Variants in TBC1D19 observed in about 807,000 individuals in gnomAD.
TBC1D19 encodes the protein TBC1 domain family member 19, also known as TBC1 domain family, member 19.
TBC1D19 carries 60 observed loss-of-function variants against 89.0 expected under a neutral mutation model. The ratio of observed to expected loss-of-function variants is 0.67; its 90% CI spans 0.55 to 0.84. The LOEUF is 0.84. Ranked by LOEUF, TBC1D19 falls within the 40% of genes least tolerant of loss-of-function variation. The pLI, the probability that TBC1D19 is intolerant of heterozygous loss-of-function variation, is 0.00. For missense variants in TBC1D19, 500 were observed against 610.8 expected (o/e 0.82, Z 1.91); for synonymous variants, 189 against 199.7 (o/e 0.95, Z 0.45).
At chr4:26,844,737 T>C in the TBC1D19 span, among the ~76,000 whole-genome samples, 1 of 152,250 alleles carries the variant, frequency 6.6e-6, no homozygotes, top group African/African-American at 2.4e-5. Flanking sequence ...TTTCCTTTGC[T>C]GTCAGCTAAC....
Position 26,613,362 on chromosome 4 carries a change from T to C in TBC1D19, c.172+121T>C, listed in dbSNP as rs555717175. 7 of 610,506 alleles carry C rather than the reference T, an allele frequency of 1.1e-5. No individual in the cohort carries two copies. The South Asian group carries it at 1.5e-4, about 13-fold the overall frequency. 37.8% of individuals were successfully genotyped at this position (610,506 alleles called of 1,614,324 possible). On this transcript the variant is annotated intron_variant, in intron 2 of 20. Coordinates refer to ENST00000264866, the MANE Select transcript of TBC1D19 (RefSeq NM_018317.4). ...TTTGTTGTCGTTCTGTTTTGTTTTG[T>C]TTTAGGCTTTTAGCAGCCTGAAGCC...
chr4:26,790,340 C>T, the TBC1D19 span, among the ~76,000 whole-genome samples: 3 of 152,266 alleles, frequency 2.0e-5, no homozygotes, highest in Non-Finnish European at 4.4e-5. Context: ...TTCCAAACAC[C>T]TCCACTGAAC....
chr4:26,636,488 T>TAAAAAAAAAAAAAAAAAAA (rs71643685), intron 4 of TBC1D19, among the ~76,000 whole-genome samples: 1 of 131,026 alleles, frequency 7.6e-6, no homozygotes, highest in Non-Finnish European at 1.6e-5. Flanking sequence ...GTCAGTATCA[T>TAAAAAAAAAAAAAAAAAAA]AAAAAAAAAA....
chr4:26,839,571 C>CA, the TBC1D19 span, among the ~76,000 whole-genome samples: 1 of 115,814 alleles, frequency 8.6e-6, no homozygotes, highest in Non-Finnish European at 2.0e-5. Context: ...CCTTTTCCAT[C>CA]ACCCCCCCGC....
chr4:26,788,670 C>T, the TBC1D19 span, among the ~76,000 whole-genome samples: 1 of 152,158 alleles, frequency 6.6e-6, no homozygotes, highest in Non-Finnish European at 1.5e-5. Context: ...GAACATAGCC[C>T]CCTAGACAGA....
At chr4:26,621,743 C>A (rs1742062370) in intron 4 of TBC1D19, among the ~76,000 whole-genome samples, 1 of 151,800 alleles carries the variant, frequency 6.6e-6, no homozygotes, top group Admixed American at 6.6e-5. Context: ...GGCTGGAAAT[C>A]AGTTAATGTT....
chr4:26,659,547 TA>T, intron 7 of TBC1D19, 49 bp from the exon 8 acceptor site: 2 of 1,265,430 alleles, frequency 1.6e-6, no homozygotes, highest in Non-Finnish European at 1.1e-6. Context: ...TTTATAAGTG[TA>T]AACATCCTGG....
At chr4:26,760,007 C>T (rs965242811), downstream of TBC1D19, among the ~76,000 whole-genome samples, 11 of 152,072 alleles carry the variant, frequency 7.2e-5, no homozygotes, top group Admixed American at 2.0e-4. Context: ...TGTGTAAGCA[C>T]GTGTTTAACT....
At chr4:26,660,401 A>G (rs903093297) in intron 8 of TBC1D19, among the ~76,000 whole-genome samples, 2 of 152,242 alleles carry the variant, frequency 1.3e-5, no homozygotes, top group Admixed American at 1.3e-4. Context: ...AAATGTCTCT[A>G]GAAGATAGAA....
At chr4:26,742,073 G>A (rs1560508139) in intron 17 of TBC1D19, among the ~76,000 whole-genome samples, 26 of 152,164 alleles carry the variant, frequency 1.7e-4, no homozygotes. Context: ...TGGAGGGGAA[G>A]GGACATATGG....
chr4:26,669,550 T>G (rs537193229), intron 9 of TBC1D19, among the ~76,000 whole-genome samples: 1 of 151,902 alleles, frequency 6.6e-6, no homozygotes, highest in South Asian at 2.1e-4. Context: ...GGCTTCTTAT[T>G]CTTAGGACAG....
At chr4:26,654,034 G>A (rs1025325809) in intron 7 of TBC1D19, among the ~76,000 whole-genome samples, 1 of 152,106 alleles carries the variant, frequency 6.6e-6, no homozygotes, top group African/African-American at 2.4e-5. Flanking sequence ...TCCATGTTTA[G>A]TGCTTCCTTC....
chr4:26,643,028 G>C (rs1385059631), intron 7 of TBC1D19, among the ~76,000 whole-genome samples: 1 of 152,094 alleles, frequency 6.6e-6, no homozygotes, highest in Non-Finnish European at 1.5e-5. Flanking sequence ...TGAGACAGAA[G>C]GTTAACAAGG....
At chr4:26,806,794 A>G in the TBC1D19 span, among the ~76,000 whole-genome samples, 1 of 152,238 alleles carries the variant, frequency 6.6e-6, no homozygotes, top group African/African-American at 2.4e-5. Flanking sequence ...AGACTGAGAC[A>G]CAGAGGGAAG....
rs188915574 is a variant in TBC1D19 at position 26,655,893 on chromosome 4, C to T, written c.481-3704C>T. Among the ~76,000 whole-genome samples, 68 of 149,650 alleles carry T rather than the reference C, an allele frequency of 4.5e-4. 1 individual carries two copies. Among genetic ancestry groups the T allele is most frequent in the Middle Eastern group, 3.5e-3 (1 of 288 alleles). On this transcript the variant is annotated intron_variant, in intron 7 of 20. Coordinates refer to ENST00000264866, the MANE Select transcript of TBC1D19 (RefSeq NM_018317.4). ...CACCCACTGTCCTGCACCCACTTTCCGACAATCCCCAGTGAGATGAACCTG... is the reference window on the plus strand; with the variant it reads ...CACCCACTGTCCTGCACCCACTTTCTGACAATCCCCAGTGAGATGAACCTG...
At chr4:26,857,915 A>G in the TBC1D19 span, 3 of 152,302 alleles carry the variant, frequency 2.0e-5, no homozygotes, top group Admixed American at 6.5e-5. Context: ...TGGGATTTGC[A>G]AGAAAATGCA....
At chr4:26,721,095 C>T (rs1389307769) in intron 15 of TBC1D19, among the ~76,000 whole-genome samples, 1 of 151,956 alleles carries the variant, frequency 6.6e-6, no homozygotes, top group Non-Finnish European at 1.5e-5. Context: ...TCTTGTTCTG[C>T]TGCTCTTCTC....
intron 13 of TBC1D19, among the ~76,000 whole-genome samples, chr4:26,699,799 T>A (rs1191485489): frequency 1.4e-5 from 2 of 140,390 alleles, no homozygotes; most frequent in East Asian, 2.1e-4. Flanking sequence ...CACTCTTAGG[T>A]GGTAATTGAA....
chr4:26,629,822 A>G (rs925978390), intron 4 of TBC1D19, among the ~76,000 whole-genome samples: 1 of 151,954 alleles, frequency 6.6e-6, no homozygotes, highest in African/African-American at 2.4e-5. Flanking sequence ...ATAAAACAAC[A>G]TAATTTCACT....
Sources: allele counts gnomAD v4.1 joint callset (sites outside exome capture counted in the v4.1 genomes callset), GRCh38; gene constraint gnomAD v4.1.1; transcripts MANE v1.5; gene names NCBI Gene and HGNC (gene_info 2026-07-23, HGNC 2026-07-21).